Variants in CNTN6 observed in about 807,000 individuals in gnomAD.
CNTN6 encodes the protein contactin-6.
CNTN6 carries 137 observed loss-of-function variants against 122.8 expected under a neutral mutation model. That is an observed-to-expected ratio of 1.12 (90% confidence interval 0.97 to 1.29). The LOEUF (loss-of-function observed/expected upper bound fraction) is 1.29. Ranked by LOEUF, CNTN6 falls within the 50% of genes most tolerant of loss-of-function variation. The probability of loss-of-function intolerance (pLI) is 0.00; values close to 1 mark genes in which losing one functional copy is unlikely to be tolerated. For missense variants in CNTN6, 1,634 were observed against 1,223.4 expected (o/e 1.34, Z -5.01); for synonymous variants, 570 against 426.0 (o/e 1.34, Z -4.16).
At chr3:1,215,503 A>G (rs1356059921) in intron 2 of CNTN6, among the ~76,000 whole-genome samples, 1 of 152,082 alleles carries the variant, frequency 6.6e-6, no homozygotes, top group Non-Finnish European at 1.5e-5. Flanking sequence ...CCTTAGGTTC[A>G]TGGTCTCCAA....
At chr3:1,385,569 T>C (rs750940715) in intron 19 of CNTN6, 42 bp from the exon 20 acceptor site, 5 of 1,488,806 alleles carry the variant, frequency 3.4e-6, no homozygotes, top group African/African-American at 1.4e-5. Context: ...TTGATAGTTA[T>C]TGGGGAACAA....
At chr3:1,175,015 C>A (rs55968459) in intron 2 of CNTN6, among the ~76,000 whole-genome samples, 8 of 151,844 alleles carry the variant, frequency 5.3e-5, no homozygotes, top group African/African-American at 1.7e-4. Context: ...GGTGGGTGAT[C>A]TCTTGAACCC....
intron 19 of CNTN6, among the ~76,000 whole-genome samples, chr3:1,383,664 CAAAA>C (rs373934800): frequency 1.4e-5 from 2 of 145,036 alleles, no homozygotes; most frequent in Admixed American, 6.9e-5. Context: ...AAAACAAAAA[CAAAA>C]AAAAACAGCT....
intron 5 of CNTN6, among the ~76,000 whole-genome samples, chr3:1,281,173 C>T (rs1020562632): frequency 2.0e-5 from 3 of 152,158 alleles, no homozygotes; most frequent in African/African-American, 7.2e-5. Context: ...TATACAAGGG[C>T]ACGGGTCGTT....
At chr3:1,368,757 G>C (rs562798803) in intron 12 of CNTN6, among the ~76,000 whole-genome samples, 1 of 152,146 alleles carries the variant, frequency 6.6e-6, no homozygotes, top group East Asian at 1.9e-4. Flanking sequence ...CATGTATTTT[G>C]TAATTTGTAA....
chr3:1,395,565 T>A (rs1383278666), intron 20 of CNTN6, among the ~76,000 whole-genome samples: 1 of 152,090 alleles, frequency 6.6e-6, no homozygotes, highest in Non-Finnish European at 1.5e-5. Context: ...TAACTCTCAC[T>A]TTCTTGCTTC....
chr3:1,390,818 A>T (rs547139851), intron 20 of CNTN6, among the ~76,000 whole-genome samples: 1 of 151,092 alleles, frequency 6.6e-6, no homozygotes, highest in Non-Finnish European at 1.5e-5. Flanking sequence ...GAAATGGATA[A>T]ATTCCTCGAC....
chr3:1,224,907 G>A (rs554693687), intron 3 of CNTN6, among the ~76,000 whole-genome samples: 7 of 151,996 alleles, frequency 4.6e-5, no homozygotes, highest in Admixed American at 3.3e-4. Context: ...CACTATGCCC[G>A]GCTAATTTTT....
intron 4 of CNTN6, among the ~76,000 whole-genome samples, chr3:1,252,540 G>C (rs556168359): frequency 6.6e-6 from 1 of 152,108 alleles, no homozygotes; most frequent in Non-Finnish European, 1.5e-5. Context: ...TCACTTTACG[G>C]AAATAATACA....
At chr3:1,375,456 T>C (rs1709722799) in intron 16 of CNTN6, among the ~76,000 whole-genome samples, 2 of 152,130 alleles carry the variant, frequency 1.3e-5, no homozygotes, top group Non-Finnish European at 2.9e-5. Flanking sequence ...GTTCTCAATA[T>C]GGTTTTAGGC....
intron 8 of CNTN6, among the ~76,000 whole-genome samples, chr3:1,323,304 T>C (rs910149447): frequency 4.6e-5 from 7 of 151,788 alleles, no homozygotes; most frequent in Non-Finnish European, 1.0e-4. Context: ...AGATTCAAGA[T>C]CAGAACCTTG....
intron 2 of CNTN6, among the ~76,000 whole-genome samples, chr3:1,161,155 T>C (rs77036644): frequency 0.012 from 1,792 of 151,642 alleles, 44 homozygotes; most frequent in African/African-American, 0.04. Flanking sequence ...AGGTCCTCAC[T>C]TAGTGTTGAT....
chr3:1,216,588 A>T (rs1352326113), intron 2 of CNTN6, among the ~76,000 whole-genome samples: 1 of 152,178 alleles, frequency 6.6e-6, no homozygotes, highest in African/African-American at 2.4e-5. Context: ...GGAACACTAA[A>T]ATATATGACA....
At chr3:1,402,992 T>A (rs1424042289) in intron 22 of CNTN6, among the ~76,000 whole-genome samples, 1 of 152,116 alleles carries the variant, frequency 6.6e-6, no homozygotes, top group Non-Finnish European at 1.5e-5. Context: ...TAATAATGTA[T>A]CATTTTTGCA....
intron 2 of CNTN6, among the ~76,000 whole-genome samples, chr3:1,176,705 G>A (rs1335095248): frequency 1.3e-5 from 2 of 152,162 alleles, no homozygotes; most frequent in Non-Finnish European, 2.9e-5. Flanking sequence ...GTTTATTTAA[G>A]AGATAAGTAA....
intron 2 of CNTN6, among the ~76,000 whole-genome samples, chr3:1,183,615 T>G (rs2093589448): frequency 1.3e-5 from 2 of 152,182 alleles, no homozygotes; most frequent in African/African-American, 2.4e-5. Flanking sequence ...CTTTTACATC[T>G]TATAAAAAGA....
intron 19 of CNTN6, 47 bp from the exon 20 acceptor site, chr3:1,385,560 TGATA>T: frequency 7.1e-7 from 1 of 1,418,416 alleles, no homozygotes; most frequent in Non-Finnish European, 9.6e-7. Flanking sequence ...AAAAAATGAT[TGATA>T]GTTATTGGGG....
At chr3:1,305,203 C>A (rs1476449101) in intron 7 of CNTN6, among the ~76,000 whole-genome samples, 1 of 152,208 alleles carries the variant, frequency 6.6e-6, no homozygotes, top group Non-Finnish European at 1.5e-5. Flanking sequence ...CGGATACCAT[C>A]ATGCAGACAG....
chr3:1,370,129 CA>C (rs201261410), intron 12 of CNTN6, among the ~76,000 whole-genome samples: 3 of 150,432 alleles, frequency 2.0e-5, no homozygotes, highest in Non-Finnish European at 4.4e-5. Context: ...CAATAAGATC[CA>C]AAAAAAAGAA....
Sources: allele counts gnomAD v4.1 joint callset (sites outside exome capture counted in the v4.1 genomes callset), GRCh38; gene constraint gnomAD v4.1.1; transcripts MANE v1.5; gene names NCBI Gene and HGNC (gene_info 2026-07-23, HGNC 2026-07-21).